The following PPIL3 variants were observed in gnomAD, a reference collection of about 807,000 sequenced individuals.
PPIL3 encodes peptidylprolyl isomerase like 3.
In PPIL3, 13 loss-of-function variants were observed where a neutral mutation model predicts 20.9. The ratio of observed to expected loss-of-function variants is 0.62; its 90% CI spans 0.40 to 0.99. PPIL3 has a LOEUF of 0.99. Among genes scored for constraint, PPIL3 ranks in the 50% least tolerant of loss-of-function variants. The pLI, the probability that PPIL3 is intolerant of heterozygous loss-of-function variation, is 0.00. For missense variants in PPIL3, 170 were observed against 195.2 expected, an observed-to-expected ratio of 0.87 and a Z score of 0.77; for synonymous variants, 71 against 64.4, an observed-to-expected ratio of 1.10 and a Z score of -0.49.
intron 5 of PPIL3, among the ~76,000 whole-genome samples, chr2:200,878,514 T>A (rs2039603238): frequency 6.6e-6 from 1 of 151,974 alleles, no homozygotes. Context: ...CTTGGCCTCC[T>A]GAGTAGCTGA....
At chr2:200,883,370 T>C (rs990172034) in intron 3 of PPIL3, among the ~76,000 whole-genome samples, 5 of 152,116 alleles carry the variant, frequency 3.3e-5, no homozygotes, top group African/African-American at 1.2e-4. Context: ...ATTTAAGTAT[T>C]AGTTTATTGG....
At chr2:200,887,535 A>G in intron 2 of PPIL3, 78 bp downstream of exon 2, 1 of 1,114,304 alleles carries the variant, frequency 9.0e-7, no homozygotes, top group South Asian at 1.4e-5. Flanking sequence ...AATTTCCATG[A>G]ACTTTTATTG....
intron 6 of PPIL3, among the ~76,000 whole-genome samples, chr2:200,871,961 AG>A (rs1295630595): frequency 1.3e-5 from 2 of 152,190 alleles, no homozygotes; most frequent in African/African-American, 4.8e-5. Flanking sequence ...AATTTTTTAA[AG>A]ACAGGATCTC....
intron 6 of PPIL3, among the ~76,000 whole-genome samples, chr2:200,872,408 C>T (rs955637811): frequency 6.6e-6 from 1 of 152,012 alleles, no homozygotes; most frequent in African/African-American, 2.4e-5. Context: ...TTACGGAGGG[C>T]ACATTAGGTA....
At chr2:200,888,934 A>T (rs1377816428) in intron 1 of PPIL3, 22 bp downstream of exon 1, 2 of 471,122 alleles carry the variant, frequency 4.2e-6, no homozygotes, top group East Asian at 1.4e-4. Context: ...TGAATGAAAG[A>T]ATTAATGACG....
intron 6 of PPIL3, among the ~76,000 whole-genome samples, chr2:200,874,649 T>G (rs1385257499): frequency 6.6e-6 from 1 of 152,166 alleles, no homozygotes; most frequent in East Asian, 1.9e-4. Context: ...TTGAATGATG[T>G]TGGTTAAGGG....
chr2:200,875,481 T>C (rs2105761346), intron 6 of PPIL3, among the ~76,000 whole-genome samples: 1 of 152,232 alleles, frequency 6.6e-6, no homozygotes, highest in Non-Finnish European at 1.5e-5. Context: ...TTGGCCTGGA[T>C]GGTCTTGATC....
At chr2:200,872,872 CTTG>C (rs1224749350) in intron 6 of PPIL3, among the ~76,000 whole-genome samples, 1 of 142,144 alleles carries the variant, frequency 7.0e-6, no homozygotes, top group Non-Finnish European at 1.5e-5. Context: ...CCACTTTGTA[CTTG>C]TTTTTTTTTT....
chr2:200,888,855 A>G (rs995466892), intron 1 of PPIL3, 101 bp downstream of exon 1: 9 of 458,090 alleles, frequency 2.0e-5, no homozygotes, highest in African/African-American at 1.8e-4. Context: ...CTCGCCGCCC[A>G]CTGTTCACTC....
chr2:200,878,850 ATTTT>A (rs955010719), intron 5 of PPIL3, among the ~76,000 whole-genome samples: 3 of 152,120 alleles, frequency 2.0e-5, no homozygotes, highest in Non-Finnish European at 4.4e-5. Context: ...GTTTATTACT[ATTTT>A]TTTACTACTA....
At position 200,887,630 on chromosome 2, in the gene PPIL3, G is replaced by A. The variant is rs763664463; in HGVS notation, c.-15C>T. Reference sequence around the variant, plus strand: ...AAACTTACCATTTTTCCTCTTAGTGGTTTCAGGAAGGACTACGTGATTTCT... The same window carrying A: ...AAACTTACCATTTTTCCTCTTAGTGATTTCAGGAAGGACTACGTGATTTCT... On this transcript the variant is annotated 5_prime_UTR_variant, in exon 2 of 7. Transcript: ENST00000392283. 10 of 1,599,314 alleles carry A rather than the reference G, an allele frequency of 6.3e-6. No homozygotes were observed. Among genetic ancestry groups the A allele is most frequent in the African/African-American group, 2.7e-5 (2 of 74,354 alleles).
chr2:200,880,944 T>C (rs17467700), intron 5 of PPIL3, among the ~76,000 whole-genome samples: 7,334 of 152,250 alleles, frequency 0.048, 252 homozygotes, highest in Middle Eastern at 0.099. Flanking sequence ...GTACTACTCT[T>C]TAACCTAGTT....
Position 200,874,732 on chromosome 2 carries a change from CTTGA to C in PPIL3, c.359+2183_359+2186del, listed in dbSNP as rs1385343725. Among the ~76,000 whole-genome samples, 4 of 152,010 alleles carry C rather than the reference CTTGA, an allele frequency of 2.6e-5. No individual in the cohort carries two copies. In the East Asian group the frequency reaches 5.8e-4, roughly 22 times the overall value. On this transcript the variant is annotated intron_variant, in intron 6 of 6. Coordinates refer to ENST00000392283, the MANE Select transcript of PPIL3 (RefSeq NM_130906.3). ...TAGATGTTGTAATATTTCTTTTCTC[CTTGA>C]TTATTATTAATGTGTAAATTAGATA...
intron 2 of PPIL3, among the ~76,000 whole-genome samples, chr2:200,886,136 TTATTTA>T (rs1322424764): frequency 6.6e-6 from 1 of 152,222 alleles, no homozygotes; most frequent in Non-Finnish European, 1.5e-5. Flanking sequence ...ACCAACATCC[TTATTTA>T]TAGAAAAATG....
Position 200,888,948 on chromosome 2 carries a change from C to A in PPIL3, c.-71+8G>T. 1 of 471,212 alleles carries A rather than the reference C, an allele frequency of 2.1e-6. No individual in the cohort carries two copies. The highest frequency in any genetic ancestry group is 4.4e-6 in the Non-Finnish European group (1 of 227,064). 29.2% of individuals were successfully genotyped at this position (471,212 alleles called of 1,614,324 possible). On this transcript the variant is annotated splice_region_variant and intron_variant, in intron 1 of 6. Transcript: ENST00000392283. ...GTGAATGAAAGAATTAATGACGTTA[C>A]TCCATACTTGGGCTTCACCACTTCG...
chr2:200,884,043 T>C (rs560617618), intron 3 of PPIL3, among the ~76,000 whole-genome samples: 197 of 152,318 alleles, frequency 1.3e-3, no homozygotes, highest in Admixed American at 1.7e-3. Flanking sequence ...TGAGCCACCA[T>C]GCCCAGCCAT....
At chr2:200,879,851 A>G (rs933543838) in intron 5 of PPIL3, among the ~76,000 whole-genome samples, 3 of 152,178 alleles carry the variant, frequency 2.0e-5, no homozygotes, top group African/African-American at 7.2e-5. Flanking sequence ...ACAAAGTTCC[A>G]CAGGTGATTC....
chr2:200,871,603 TA>T, intron 6 of PPIL3, 82 bp from the exon 7 acceptor site: 1 of 1,227,992 alleles, frequency 8.1e-7, no homozygotes, highest in Non-Finnish European at 1.1e-6. Flanking sequence ...ACAGTCTCCT[TA>T]AAAAATAATC....
intron 5 of PPIL3, among the ~76,000 whole-genome samples, chr2:200,879,793 T>C (rs2039654236): frequency 6.6e-6 from 1 of 152,160 alleles, no homozygotes; most frequent in African/African-American, 2.4e-5. Context: ...ATCAGGCCAC[T>C]GCACTCAGCT....
Sources: gnomAD v4.1 joint callset for allele counts (sites outside exome capture counted in the v4.1 genomes callset) on GRCh38, gnomAD v4.1.1 for gene constraint, MANE v1.5 for transcripts, NCBI Gene and HGNC (gene_info 2026-07-23, HGNC 2026-07-21) for gene names.